ELK3: variants seen among roughly 807,000 people sequenced by gnomAD.
The protein encoded by ELK3 is ETS domain-containing protein Elk-3.
Under a neutral mutation model 28.9 loss-of-function variants are expected in ELK3, and 10 were observed. That is an observed-to-expected ratio of 0.35 (90% CI 0.21 to 0.59). The LOEUF (loss-of-function observed/expected upper bound fraction) is 0.59. Among genes scored for constraint, ELK3 ranks in the 20% least tolerant of loss-of-function variants. The pLI is 0.82. For synonymous variants in ELK3, 272 were observed against 243.5 expected (o/e 1.12, Z -1.09); for missense variants, 463 against 517.3 (o/e 0.90, Z 1.02).
intron 3 of ELK3, among the ~76,000 whole-genome samples, chr12:96,257,908 C>T (rs1303948240): frequency 6.6e-6 from 1 of 152,228 alleles, no homozygotes; most frequent in Admixed American, 6.5e-5. Context: ...CAATTAATTA[C>T]CAATCCATTT....
In ELK3 at chr12:96,259,914, A is replaced by G; in HGVS notation, c.1125+61A>G. On this transcript the variant is annotated intron_variant, in intron 4 of 4. Transcript: ENST00000228741. ...TTCTGAGGGATGGTTTTTTCTCTAAATCCTGCAGAGGTAACGGTGAGTTTT... is the reference window on the plus strand; with the variant it reads ...TTCTGAGGGATGGTTTTTTCTCTAAGTCCTGCAGAGGTAACGGTGAGTTTT... 2.6e-6 allele frequency: 4 copies of G among 1,518,586 alleles called. No homozygotes were observed. In the South Asian group the frequency reaches 5.1e-5, roughly 19 times the overall value. The allele number at this position is 1,518,586 out of a possible 1,614,324, so 94.1% of individuals were successfully genotyped here.
Position 96,223,498 on chromosome 12 carries a change from CT to C in ELK3, c.-2-66del, listed in dbSNP as rs1004469199. On this transcript the variant is annotated intron_variant, in intron 1 of 4. Transcript: ENST00000228741. ...GCTGAGTTGCCCATTCTGAAGCCCC[CT>C]CTCTCCTCGCCAAGTTTGGTCGGCA... 6.5e-6 allele frequency: 10 copies of C among 1,538,918 alleles called. No individual in the cohort carries two copies. In the African/African-American group the frequency reaches 1.1e-4, roughly 17 times the overall value.
chr12:96,265,632 T>C (rs1952023766), intron 4 of ELK3, among the ~76,000 whole-genome samples: 1 of 152,100 alleles, frequency 6.6e-6, no homozygotes, highest in African/African-American at 2.4e-5. Flanking sequence ...TGAGCCAATA[T>C]TGCATCACTA....
chr12:96,221,215 T>G (rs1026411033), intron 1 of ELK3, among the ~76,000 whole-genome samples: 1 of 152,210 alleles, frequency 6.6e-6, no homozygotes. Context: ...TCATAAGTCA[T>G]GCCCAGAACA....
chr12:96,264,930 G>A lies in ELK3; in HGVS notation c.1126-2152G>A, dbSNP rs559442796. ...TTTAGAGATAAGAAACTAAGGCACA[G>A]GGATATTGGCTAGTTTATTCAAGAT... On this transcript the variant is annotated intron_variant, in intron 4 of 4. Coordinates refer to ENST00000228741, the MANE Select transcript of ELK3 (RefSeq NM_005230.4). 3.9e-5 allele frequency among the ~76,000 whole-genome samples: 6 copies of A among 152,334 alleles called. No individual in the cohort carries two copies. The South Asian group carries it at 1.2e-3, about 32-fold the overall frequency.
intron 4 of ELK3, among the ~76,000 whole-genome samples, chr12:96,261,732 TG>T (rs373615848): frequency 2.0e-5 from 3 of 152,178 alleles, no homozygotes; most frequent in African/African-American, 7.2e-5. Flanking sequence ...CACTATTGGC[TG>T]GGGGTTCTTT....
At chr12:96,251,238 C>T (rs1378923911) in intron 3 of ELK3, among the ~76,000 whole-genome samples, 1 of 152,094 alleles carries the variant, frequency 6.6e-6, no homozygotes, top group African/African-American at 2.4e-5. Context: ...TGTTTTGGGG[C>T]ACCATGAACC....
chr12:96,261,832 G>C (rs1426406375), intron 4 of ELK3, among the ~76,000 whole-genome samples: 1 of 152,124 alleles, frequency 6.6e-6, no homozygotes, highest in Non-Finnish European at 1.5e-5. Flanking sequence ...CACGTTATCA[G>C]GATCTCTGGG....
At chr12:96,224,872 G>T (rs1951688222) in intron 2 of ELK3, among the ~76,000 whole-genome samples, 2 of 152,124 alleles carry the variant, frequency 1.3e-5, no homozygotes, top group South Asian at 4.2e-4. Context: ...CTATATTTAG[G>T]GTATGCCGTC....
rs1352614032 is a variant in ELK3, at chr12:96,194,418, C to T, written c.-290C>T. On this transcript the variant is annotated 5_prime_UTR_variant, in exon 1 of 5. Coordinates refer to ENST00000228741, the MANE Select transcript of ELK3 (RefSeq NM_005230.4). ...CCCCGGCGCACAGCCGCGGCCGGGG[C>T]GCGCGGCGCGGGGCGGAAAAGCCTG... The T allele has an allele frequency of 2.0e-5, 3 of 147,904 alleles. No individual in the cohort carries two copies. Among genetic ancestry groups the T allele is most frequent in the African/African-American group, 4.9e-5 (2 of 40,852 alleles). The allele number at this position is 147,904 out of a possible 1,614,324, so 9.2% of individuals were successfully genotyped here. A position where few individuals can be genotyped will look rare whatever the true frequency, so the allele number is the denominator to read the frequency against.
intron 1 of ELK3, among the ~76,000 whole-genome samples, chr12:96,218,881 C>T (rs1002092393): frequency 2.0e-5 from 3 of 152,138 alleles, no homozygotes; most frequent in Non-Finnish European, 4.4e-5. Flanking sequence ...ATCTCCTGAC[C>T]TTGTGATCCG....
chr12:96,241,426 T>TTGTG (rs57658963), intron 2 of ELK3, among the ~76,000 whole-genome samples: 24,635 of 146,282 alleles, frequency 0.17, 2,016 homozygotes, highest in South Asian at 0.19. Flanking sequence ...AGTGGAGCGT[T>TTGTG]TGTGTGTGTG....
At chr12:96,236,109 A>T (rs910456259) in intron 2 of ELK3, among the ~76,000 whole-genome samples, 7 of 152,166 alleles carry the variant, frequency 4.6e-5, no homozygotes, top group Non-Finnish European at 1.0e-4. Flanking sequence ...TACAGGTGTA[A>T]GCCACCACCC....
At chr12:96,256,255 C>T (rs992616856) in intron 3 of ELK3, among the ~76,000 whole-genome samples, 12 of 152,084 alleles carry the variant, frequency 7.9e-5, no homozygotes, top group African/African-American at 2.9e-4. Context: ...AGGCTATGTC[C>T]GGAGCTTGCA....
rs770367243 is a variant in ELK3, at chr12:96,259,785, T to C, written c.1057T>C (p.Trp353Arg). ...PSPLLSSIHFWSSLSPVAPLS... is the reference protein window; with the variant it reads ...PSPLLSSIHFRSSLSPVAPLS... The stretch of plus-strand genomic sequence containing the variant: ...TCCACTGCTCTCCAGCATACATTTC[T>C]GGAGCAGCCTTAGTCCAGTTGCTCC... The change falls in exon 4 of 5, where the codon TGG becomes CGG. Residue 353 changes from tryptophan to arginine, a missense_variant. By Grantham distance (101) the Trp-to-Arg change is moderately radical. Coordinates refer to ENST00000228741, the MANE Select transcript of ELK3 (RefSeq NM_005230.4). 6.2e-7 allele frequency: 1 copy of C among 1,611,612 alleles called. No individual in the cohort carries two copies. Among genetic ancestry groups the C allele is most frequent in the African/African-American group, 1.3e-5 (1 of 74,928 alleles).
At chr12:96,203,712 G>T (rs918251307) in intron 1 of ELK3, among the ~76,000 whole-genome samples, 3 of 152,146 alleles carry the variant, frequency 2.0e-5, no homozygotes, top group African/African-American at 7.2e-5. Flanking sequence ...AGGCCGAGGC[G>T]GGCAGATCAC....
At chr12:96,251,774 G>A (rs1378787164) in intron 3 of ELK3, among the ~76,000 whole-genome samples, 1 of 152,232 alleles carries the variant, frequency 6.6e-6, no homozygotes, top group Non-Finnish European at 1.5e-5. Context: ...AGGCGAAGAA[G>A]CTGCAGAAGA....
chr12:96,266,704 C>CAAAACACTCTTTTAATATTTAAT (rs1470859986), intron 4 of ELK3, among the ~76,000 whole-genome samples: 6 of 152,014 alleles, frequency 3.9e-5, no homozygotes, highest in African/African-American at 1.2e-4. Flanking sequence ...CTATGGTTTT[C>CAAAACACTCTTTTAATATTTAAT]AAAACACTCT....
intron 3 of ELK3, chr12:96,255,572 A>G (rs1382827625): frequency 6.6e-6 from 1 of 152,244 alleles, no homozygotes; most frequent in East Asian, 1.9e-4. Context: ...TGGGGAGGGA[A>G]GTGTCTACGA....
Sources: gnomAD v4.1 joint callset for allele counts (sites outside exome capture counted in the v4.1 genomes callset) on GRCh38, gnomAD v4.1.1 for gene constraint, MANE v1.5 for transcripts, NCBI Gene and HGNC (gene_info 2026-07-23, HGNC 2026-07-21) for gene names.